The following FOXP1 variants were observed in gnomAD, a reference collection of about 807,000 sequenced individuals.
FOXP1 encodes the protein forkhead box P1.
FOXP1 carries 15 observed loss-of-function variants against 98.2 expected under a neutral mutation model. The ratio of observed to expected loss-of-function variants is 0.15; its 90% CI spans 0.10 to 0.24. FOXP1 has a LOEUF of 0.24. Among genes scored for constraint, FOXP1 ranks in the 10% least tolerant of loss-of-function variants. The probability of loss-of-function intolerance (pLI) is 1.00; values close to 1 mark genes in which losing one functional copy is unlikely to be tolerated. For missense variants in FOXP1, 633 were observed against 848.5 expected (o/e 0.75, Z 3.15); for synonymous variants, 371 against 314.5 (o/e 1.18, Z -1.90).
intron 20 of FOXP1, among the ~76,000 whole-genome samples, chr3:70,965,100 G>A (rs903190533): frequency 3.3e-5 from 5 of 152,348 alleles, no homozygotes; most frequent in African/African-American, 1.2e-4. Context: ...GGGAGAGACT[G>A]TCATCCCACA....
At chr3:70,963,377 A>C (rs1257817641) in intron 20 of FOXP1, among the ~76,000 whole-genome samples, 1 of 152,244 alleles carries the variant, frequency 6.6e-6, no homozygotes, top group Non-Finnish European at 1.5e-5. Context: ...CGTGTAGCAC[A>C]AGCACACAGC....
At chr3:71,374,018 C>G (rs1164141103) in intron 3 of FOXP1, among the ~76,000 whole-genome samples, 9 of 152,180 alleles carry the variant, frequency 5.9e-5, no homozygotes, top group Admixed American at 5.9e-4. Flanking sequence ...AATACCACTG[C>G]AATGTGTGTA....
intron 5 of FOXP1, among the ~76,000 whole-genome samples, chr3:71,272,613 C>G (rs1435361453): frequency 2.7e-5 from 4 of 150,650 alleles, no homozygotes; most frequent in Admixed American, 2.0e-4. Flanking sequence ...TGTTTTCCTT[C>G]AAAACTAGAA....
chr3:71,227,846 A>C (rs1016039012), intron 5 of FOXP1, among the ~76,000 whole-genome samples: 2 of 152,122 alleles, frequency 1.3e-5, no homozygotes, highest in African/African-American at 4.8e-5. Context: ...GTAAGTAAAG[A>C]GGAAGGAGGA....
intron 6 of FOXP1, among the ~76,000 whole-genome samples, chr3:71,196,228 TAAC>T (rs2063292165): frequency 6.6e-6 from 1 of 152,316 alleles, no homozygotes; most frequent in East Asian, 1.9e-4. Context: ...CAATAACCCA[TAAC>T]AACAAATTTT....
intron 4 of FOXP1, among the ~76,000 whole-genome samples, chr3:71,322,944 T>G (rs1486943965): frequency 6.6e-6 from 1 of 151,952 alleles, no homozygotes; most frequent in Non-Finnish European, 1.5e-5. Flanking sequence ...ATTAAATCCC[T>G]TTCTGGGCAC....
At chr3:71,563,245 C>T (rs753243786) in intron 2 of FOXP1, among the ~76,000 whole-genome samples, 10 of 152,138 alleles carry the variant, frequency 6.6e-5, no homozygotes, top group Non-Finnish European at 1.3e-4. Context: ...TAGGTTGTTT[C>T]AGATGCTTTC....
rs186952178 is a variant in FOXP1 at position 71,516,832 on chromosome 3, C to G, written c.-297-23277G>C. ...CTGCACTCTAGCCTGGGTGACAGAGCAAGACTCTGTCTCAAAAAAGAAAAG... is the reference window on the plus strand; with the variant it reads ...CTGCACTCTAGCCTGGGTGACAGAGGAAGACTCTGTCTCAAAAAAGAAAAG... On this transcript the variant is annotated intron_variant, in intron 2 of 20. Transcript: ENST00000649528. 2.6e-5 allele frequency among the ~76,000 whole-genome samples: 4 copies of G among 152,224 alleles called. No individual in the cohort carries two copies. In the East Asian group the frequency reaches 7.7e-4, roughly 29 times the overall value.
At chr3:70,997,437 C>T (rs1420835863) in intron 13 of FOXP1, among the ~76,000 whole-genome samples, 1 of 152,164 alleles carries the variant, frequency 6.6e-6, no homozygotes, top group Non-Finnish European at 1.5e-5. Context: ...GTCCCAAATG[C>T]CCCCATATGT....
chr3:71,099,340 G>A (rs1303705680), intron 7 of FOXP1, among the ~76,000 whole-genome samples: 3 of 152,026 alleles, frequency 2.0e-5, no homozygotes, highest in Non-Finnish European at 4.4e-5. Context: ...GTGAAACCTC[G>A]TCCCTACTAA....
intron 5 of FOXP1, among the ~76,000 whole-genome samples, chr3:71,222,247 C>T (rs1053626948): frequency 1.3e-5 from 2 of 152,108 alleles, no homozygotes; most frequent in East Asian, 1.9e-4. Context: ...ATTCACAACA[C>T]GCTGGCGGTC....
At chr3:71,273,568 T>C (rs2070598317) in intron 5 of FOXP1, among the ~76,000 whole-genome samples, 1 of 152,190 alleles carries the variant, frequency 6.6e-6, no homozygotes, top group Admixed American at 6.5e-5. Context: ...AATGCAGTCC[T>C]ACGCCGCCTC....
intron 6 of FOXP1, among the ~76,000 whole-genome samples, chr3:71,142,927 G>C (rs1202759976): frequency 6.6e-6 from 1 of 152,154 alleles, no homozygotes; most frequent in Admixed American, 6.5e-5. Context: ...TCAGATGGGA[G>C]GGAGGTGGGA....
chr3:71,549,724 G>A (rs1357723733), intron 2 of FOXP1, among the ~76,000 whole-genome samples: 3 of 151,994 alleles, frequency 2.0e-5, no homozygotes, highest in Non-Finnish European at 4.4e-5. Context: ...TCAGTTCACA[G>A]GTTAGATATA....
chr3:71,307,231 C>A (rs2074344649), intron 4 of FOXP1, among the ~76,000 whole-genome samples: 1 of 152,180 alleles, frequency 6.6e-6, no homozygotes, highest in Non-Finnish European at 1.5e-5. Context: ...GGTCACAGAT[C>A]CTTCACAGCC....
At chr3:71,160,579 C>T (rs977574568) in intron 6 of FOXP1, among the ~76,000 whole-genome samples, 1 of 152,164 alleles carries the variant, frequency 6.6e-6, no homozygotes, top group Non-Finnish European at 1.5e-5. Context: ...CAACTAGCCA[C>T]ATGTGGCTAT....
intron 9 of FOXP1, among the ~76,000 whole-genome samples, chr3:71,047,462 G>A (rs2049182477): frequency 1.3e-5 from 2 of 152,152 alleles, no homozygotes; most frequent in Non-Finnish European, 2.9e-5. Flanking sequence ...TCTGAACCCC[G>A]AACCTTTGAG....
chr3:71,572,735 G>C (rs2107814329), intron 2 of FOXP1: 2 of 152,288 alleles, frequency 1.3e-5, no homozygotes, highest in Middle Eastern at 6.8e-3. Flanking sequence ...GATATTCCAG[G>C]AGCCTCTCCT....
chr3:71,240,687 G>A (rs367662244), intron 5 of FOXP1, among the ~76,000 whole-genome samples: 32 of 151,762 alleles, frequency 2.1e-4, no homozygotes, highest in East Asian at 1.0e-3. Context: ...GATTACAGGC[G>A]CGTGCCACCA....
Sources: allele counts gnomAD v4.1 joint callset (sites outside exome capture counted in the v4.1 genomes callset), GRCh38; gene constraint gnomAD v4.1.1; transcripts MANE v1.5; gene names NCBI Gene and HGNC (gene_info 2026-07-23, HGNC 2026-07-21).